Variants in COBLL1 observed in about 807,000 individuals in gnomAD.
COBLL1 encodes cordon-bleu protein-like 1.
In COBLL1, 50 loss-of-function variants were observed where a neutral mutation model predicts 94.8. The observed-to-expected ratio is 0.53, with a 90% confidence interval of 0.42 to 0.67. The LOEUF is 0.67. COBLL1 is among the 30% of genes least tolerant of loss of function. The pLI, the probability that COBLL1 is intolerant of heterozygous loss-of-function variation, is 0.00. For missense variants in COBLL1, 1,362 were observed against 1,348.7 expected (o/e 1.01, Z -0.15); for synonymous variants, 448 against 473.8 (o/e 0.95, Z 0.71).
At chr2:164,717,275 G>C (rs900759664) in intron 7 of COBLL1, among the ~76,000 whole-genome samples, 4 of 152,076 alleles carry the variant, frequency 2.6e-5, no homozygotes, top group Non-Finnish European at 5.9e-5. Flanking sequence ...CACATACTTA[G>C]AACCAATTTG....
intron 2 of COBLL1, among the ~76,000 whole-genome samples, chr2:164,775,914 G>A (rs572502245): frequency 2.6e-4 from 39 of 152,114 alleles, no homozygotes; most frequent in Non-Finnish European, 4.0e-4. Flanking sequence ...ACTTGATAAT[G>A]CCAAAAGTGA....
chr2:164,839,016 G>A (rs6722257), intron 2 of COBLL1, among the ~76,000 whole-genome samples: 20,240 of 152,058 alleles, frequency 0.13, 2,033 homozygotes, highest in African/African-American at 0.29. Flanking sequence ...ACAGGCATTC[G>A]GAATATGCCA....
intron 2 of COBLL1, among the ~76,000 whole-genome samples, chr2:164,805,348 T>TATATAAATATATATACATATATATAA (rs1684082398): frequency 2.8e-5 from 3 of 108,144 alleles, no homozygotes; most frequent in African/African-American, 1.2e-4. Context: ...TATATATATA[T>TATATAAATATATATACATATATATAA]ATATATATAT....
chr2:164,675,855 CCACCTGCTGCCA>C (rs1374467909), downstream of COBLL1, among the ~76,000 whole-genome samples: 8 of 152,148 alleles, frequency 5.3e-5, no homozygotes, highest in Non-Finnish European at 1.0e-4. Flanking sequence ...TAAGCACTGG[CCACCTGCTGCCA>C]AGCAAGGTGC....
chr2:164,757,712 T>C (rs1687481238), intron 2 of COBLL1, among the ~76,000 whole-genome samples: 2 of 151,986 alleles, frequency 1.3e-5, no homozygotes, highest in African/African-American at 2.4e-5. Flanking sequence ...CTTGGGAGCC[T>C]GAGGTGGTAG....
intron 2 of COBLL1, among the ~76,000 whole-genome samples, chr2:164,748,765 T>G (rs1040119645): frequency 6.6e-5 from 10 of 152,258 alleles, no homozygotes; most frequent in African/African-American, 1.9e-4. Context: ...GAAAGATATT[T>G]ATAATAAGAA....
downstream of COBLL1, among the ~76,000 whole-genome samples, chr2:164,678,812 C>T (rs1432948519): frequency 5.9e-5 from 9 of 152,174 alleles, no homozygotes; most frequent in Admixed American, 5.9e-4. Flanking sequence ...TATGAACCAT[C>T]ACTAGTCTAT....
intron 2 of COBLL1, among the ~76,000 whole-genome samples, chr2:164,754,041 T>C (rs1687270061): frequency 6.6e-6 from 1 of 152,116 alleles, no homozygotes. Context: ...CCAGAATCTA[T>C]TTTTTCAAGT....
At chr2:164,757,972 A>G in intron 2 of COBLL1, among the ~76,000 whole-genome samples, 1 of 152,258 alleles carries the variant, frequency 6.6e-6, no homozygotes, top group African/African-American at 2.4e-5. Context: ...AGGGAACAAG[A>G]TGAGAAAAAC....
intron 2 of COBLL1, among the ~76,000 whole-genome samples, chr2:164,809,839 A>G (rs1284571029): frequency 6.6e-6 from 1 of 151,898 alleles, no homozygotes; most frequent in Admixed American, 6.6e-5. Context: ...CATGACATTA[A>G]CATCATATAA....
intron 7 of COBLL1, among the ~76,000 whole-genome samples, chr2:164,714,850 G>A (rs1295444205): frequency 2.0e-5 from 3 of 152,142 alleles, no homozygotes; most frequent in Non-Finnish European, 4.4e-5. Flanking sequence ...TATTAACTCA[G>A]CATGTTATTT....
intron 2 of COBLL1, among the ~76,000 whole-genome samples, chr2:164,835,950 A>T (rs1351632161): frequency 6.6e-6 from 1 of 152,168 alleles, no homozygotes; most frequent in East Asian, 1.9e-4. Context: ...TTTTTGACTG[A>T]TTAATTAAAA....
intron 1 of COBLL1, among the ~76,000 whole-genome samples, chr2:164,668,107 GCATGC>G (rs1346166397): frequency 6.6e-6 from 1 of 152,076 alleles, no homozygotes; most frequent in Non-Finnish European, 1.5e-5. Flanking sequence ...GGGACTACAG[GCATGC>G]ACCACCACTC....
At chr2:164,660,061 T>C (rs1386794548) in intron 2 of COBLL1, among the ~76,000 whole-genome samples, 1 of 152,208 alleles carries the variant, frequency 6.6e-6, no homozygotes, top group South Asian at 2.1e-4. Flanking sequence ...CATGGCATTC[T>C]TTTACCCCCT....
chr2:164,780,209 A>G (rs575784598), intron 2 of COBLL1, among the ~76,000 whole-genome samples: 13 of 152,132 alleles, frequency 8.5e-5, no homozygotes, highest in Non-Finnish European at 1.2e-4. Flanking sequence ...ATGGGGTAGT[A>G]ATAACCGCCA....
At chr2:164,738,951 TAC>T (rs1352956000) in intron 3 of COBLL1, among the ~76,000 whole-genome samples, 1 of 152,140 alleles carries the variant, frequency 6.6e-6, no homozygotes, top group East Asian at 1.9e-4. Flanking sequence ...CACATAGACA[TAC>T]ACACACATAC....
chr2:164,801,560 C>G (rs1683807383), intron 2 of COBLL1, among the ~76,000 whole-genome samples: 1 of 149,692 alleles, frequency 6.7e-6, no homozygotes, highest in Non-Finnish European at 1.5e-5. Context: ...TGAGGTTACA[C>G]TAAGCTATGA....
At chr2:164,747,463 G>A (rs183407907) in intron 2 of COBLL1, among the ~76,000 whole-genome samples, 3 of 152,092 alleles carry the variant, frequency 2.0e-5, no homozygotes, top group Non-Finnish European at 2.9e-5. Flanking sequence ...GTAGGACAAA[G>A]CGCTACTTGA....
At chr2:164,742,770 G>T (rs1686664581) in intron 3 of COBLL1, among the ~76,000 whole-genome samples, 1 of 151,988 alleles carries the variant, frequency 6.6e-6, no homozygotes, top group Non-Finnish European at 1.5e-5. Context: ...AGGTTACCTT[G>T]AATGAGTTTT....
Sources: allele counts gnomAD v4.1 joint callset (sites outside exome capture counted in the v4.1 genomes callset), GRCh38; gene constraint gnomAD v4.1.1; transcripts MANE v1.5; gene names NCBI Gene and HGNC (gene_info 2026-07-23, HGNC 2026-07-21).